The following CRYBG1 variants were observed in gnomAD, a reference collection of about 807,000 sequenced individuals.
CRYBG1 encodes the protein crystallin beta-gamma domain containing 1.
Under a neutral mutation model 189.2 loss-of-function variants are expected in CRYBG1, and 139 were observed. The observed-to-expected ratio is 0.73, with a 90% CI of 0.64 to 0.85. The LOEUF (loss-of-function observed/expected upper bound fraction) is 0.85, where lower values mean the gene tolerates loss of function less well. CRYBG1 is among the 40% of genes least tolerant of loss of function. CRYBG1 has a pLI of 0.00. For missense variants in CRYBG1, 2,611 were observed against 2,675.8 expected, an observed-to-expected ratio of 0.98 and a Z score of 0.53; for synonymous variants, 1,023 against 1,017.1, an observed-to-expected ratio of 1.01 and a Z score of -0.11.
intron 2 of CRYBG1, among the ~76,000 whole-genome samples, chr6:106,461,701 A>C (rs1264673679): frequency 6.6e-6 from 1 of 152,174 alleles, no homozygotes; most frequent in Non-Finnish European, 1.5e-5. Flanking sequence ...TGGGGTGCAC[A>C]TGTAGCTCCG....
At chr6:106,479,884 G>T (rs1772407330) in intron 2 of CRYBG1, among the ~76,000 whole-genome samples, 2 of 152,116 alleles carry the variant, frequency 1.3e-5, no homozygotes, top group African/African-American at 4.8e-5. Context: ...TTTCTTGAAA[G>T]TGTCCTTAGA....
chr6:106,563,590 G>A (rs1378231311), intron 20 of CRYBG1, among the ~76,000 whole-genome samples, 174 bp from the exon 21 acceptor site: 1 of 152,190 alleles, frequency 6.6e-6, no homozygotes, highest in Non-Finnish European at 1.5e-5. Flanking sequence ...TGAAATAAAT[G>A]GCATAAATAT....
intron 2 of CRYBG1, among the ~76,000 whole-genome samples, chr6:106,494,728 G>T (rs1416166764): frequency 6.6e-6 from 1 of 152,128 alleles, no homozygotes; most frequent in Non-Finnish European, 1.5e-5. Flanking sequence ...CATTATTTAA[G>T]TATTATGAGG....
At chr6:106,477,100 G>A (rs1772347849) in intron 2 of CRYBG1, among the ~76,000 whole-genome samples, 1 of 152,180 alleles carries the variant, frequency 6.6e-6, no homozygotes, top group South Asian at 2.1e-4. Flanking sequence ...GCATAATTAT[G>A]TGAACCCAAC....
intron 1 of CRYBG1, among the ~76,000 whole-genome samples, chr6:106,446,707 G>A (rs981713928): frequency 1.3e-5 from 2 of 152,186 alleles, no homozygotes; most frequent in Admixed American, 6.5e-5. Context: ...CAAGGGCTTT[G>A]GAGAGGCCCT....
chr6:106,470,687 G>A (rs1045015868), intron 2 of CRYBG1, among the ~76,000 whole-genome samples: 15 of 152,140 alleles, frequency 9.9e-5, no homozygotes, highest in African/African-American at 3.4e-4. Context: ...TACTTAGACC[G>A]CCTTTCTCAA....
At chr6:106,490,809 G>T (rs1436563565) in intron 2 of CRYBG1, among the ~76,000 whole-genome samples, 1 of 152,190 alleles carries the variant, frequency 6.6e-6, no homozygotes, top group Non-Finnish European at 1.5e-5. Context: ...AAAGTAGAAG[G>T]TGTGCCAAAT....
intron 2 of CRYBG1, among the ~76,000 whole-genome samples, chr6:106,466,348 C>A (rs1399135833): frequency 1.3e-5 from 2 of 152,226 alleles, no homozygotes; most frequent in African/African-American, 4.8e-5. Context: ...ATGTGCTCAA[C>A]ATTCATTCAA....
intron 2 of CRYBG1, among the ~76,000 whole-genome samples, chr6:106,456,317 C>A (rs1771887506): frequency 7.6e-6 from 1 of 131,674 alleles, no homozygotes; most frequent in African/African-American, 3.5e-5. Flanking sequence ...CCATGCCCAG[C>A]TATTTTTTTT....
chr6:106,406,980 C>T lies in CRYBG1; in HGVS notation c.174-44714C>T, dbSNP rs115535404. Among the ~76,000 whole-genome samples the T allele has an allele frequency of 6.8e-3, 1,040 of 152,266 alleles. 16 individuals carry two copies. The highest frequency in any genetic ancestry group is 0.023 in the African/African-American group (973 of 41,572). ...ACTATGAAGAAACTGCATCAACTAACAGCAAAATAACCAGCTAGCATTGTA... is the reference window on the plus strand; with the variant it reads ...ACTATGAAGAAACTGCATCAACTAATAGCAAAATAACCAGCTAGCATTGTA... On this transcript the variant is annotated intron_variant, in intron 1 of 21. Coordinates refer to ENST00000633556, the MANE Select transcript of CRYBG1 (RefSeq NM_001371242.2).
At chr6:106,384,339 G>A (rs186644986) in intron 1 of CRYBG1, among the ~76,000 whole-genome samples, 2 of 152,142 alleles carry the variant, frequency 1.3e-5, no homozygotes, top group Admixed American at 1.3e-4. Flanking sequence ...GGAAGACGGG[G>A]ACGGGGATGG....
intron 1 of CRYBG1, among the ~76,000 whole-genome samples, chr6:106,424,206 A>G (rs572121792): frequency 1.3e-5 from 2 of 152,340 alleles, no homozygotes; most frequent in East Asian, 1.9e-4. Context: ...CTAGGAACTC[A>G]TAGTACAAAA....
At chr6:106,480,799 C>T (rs539723255) in intron 2 of CRYBG1, among the ~76,000 whole-genome samples, 7 of 151,962 alleles carry the variant, frequency 4.6e-5, no homozygotes, top group African/African-American at 1.4e-4. Flanking sequence ...TGACAAAGCC[C>T]TGTCTCTACT....
chr6:106,569,065 A>G lies in CRYBG1; in HGVS notation c.*499A>G, dbSNP rs181349925. ...CCTGTAATTTTGGTTCTTGGCCTTA[A>G]ACACTTTCTGGAACCTTTAAATATG... On this transcript the variant is annotated 3_prime_UTR_variant, in exon 22 of 22. Coordinates refer to ENST00000633556, the MANE Select transcript of CRYBG1 (RefSeq NM_001371242.2). 1 of 153,804 alleles carries G rather than the reference A, an allele frequency of 6.5e-6. No individual in the cohort carries two copies. The highest frequency in any genetic ancestry group is 6.4e-5 in the Admixed American group (1 of 15,568). 9.5% of individuals were successfully genotyped at this position (153,804 alleles called of 1,614,324 possible).
At chr6:106,430,946 C>T (rs1401077895) in intron 1 of CRYBG1, among the ~76,000 whole-genome samples, 1 of 152,130 alleles carries the variant, frequency 6.6e-6, no homozygotes, top group African/African-American at 2.4e-5. Context: ...ACTGCAACCA[C>T]CACCTCCCGG....
chr6:106,368,672 AG>A (rs1283619729), intron 1 of CRYBG1, among the ~76,000 whole-genome samples: 4 of 152,204 alleles, frequency 2.6e-5, no homozygotes, highest in African/African-American at 9.6e-5. Context: ...GCCCTTGCTT[AG>A]TGCTGCCTTT....
At chr6:106,450,399 C>T (rs571541356) in intron 1 of CRYBG1, among the ~76,000 whole-genome samples, 6 of 152,140 alleles carry the variant, frequency 3.9e-5, no homozygotes, top group South Asian at 2.1e-4. Flanking sequence ...GTTTCTGTTG[C>T]GAAATGCTGA....
Position 106,569,835 on chromosome 6 carries a change from A to G in CRYBG1, c.*1269A>G, listed in dbSNP as rs917535318. 3.3e-5 allele frequency: 5 copies of G among 152,204 alleles called. No individual in the cohort carries two copies. The highest frequency in any genetic ancestry group is 5.9e-5 in the Non-Finnish European group (4 of 68,052). 9.4% of individuals were successfully genotyped at this position (152,204 alleles called of 1,614,324 possible). On this transcript the variant is annotated 3_prime_UTR_variant, in exon 22 of 22. Transcript: ENST00000633556. The stretch of plus-strand genomic sequence containing the variant: ...GACAGCCTCAGGTCTTGGGGGCACT[A>G]TAGCCACTAAACGAGGTGTGAAAGG...
intron 1 of CRYBG1, among the ~76,000 whole-genome samples, chr6:106,445,619 G>A (rs1771650560): frequency 1.3e-5 from 2 of 152,134 alleles, no homozygotes; most frequent in African/African-American, 4.8e-5. Flanking sequence ...GCAGTACTAG[G>A]CTAAGCATTT....
Sources: gnomAD v4.1 joint callset for allele counts (sites outside exome capture counted in the v4.1 genomes callset) on GRCh38, gnomAD v4.1.1 for gene constraint, MANE v1.5 for transcripts, NCBI Gene and HGNC (gene_info 2026-07-23, HGNC 2026-07-21) for gene names.